Variants in ZYG11B observed in about 807,000 individuals in gnomAD.
The protein encoded by ZYG11B is protein zyg-11 homolog B.
Under a neutral mutation model 82.4 loss-of-function variants are expected in ZYG11B, and 36 were observed. The observed-to-expected ratio is 0.44, with a 90% confidence interval of 0.33 to 0.58. The LOEUF is 0.58. ZYG11B is among the 20% of genes least tolerant of loss of function. The probability of loss-of-function intolerance (pLI) is 0.02; values close to 1 mark genes in which losing one functional copy is unlikely to be tolerated. For missense variants in ZYG11B, 552 were observed against 895.6 expected, an observed-to-expected ratio of 0.62 and a Z score of 4.90; for synonymous variants, 303 against 312.8, an observed-to-expected ratio of 0.97 and a Z score of 0.33.
chr1:52,768,900 C>T (rs1427904210), intron 2 of ZYG11B, among the ~76,000 whole-genome samples: 1 of 152,108 alleles, frequency 6.6e-6, no homozygotes, highest in Non-Finnish European at 1.5e-5. Context: ...GGCCTACTAA[C>T]CTCCTTTCTC....
intron 3 of ZYG11B, among the ~76,000 whole-genome samples, chr1:52,775,213 C>T (rs1218652194): frequency 6.6e-6 from 1 of 152,072 alleles, no homozygotes; most frequent in Non-Finnish European, 1.5e-5. Flanking sequence ...CTGATGACTC[C>T]TAAATTTGTG....
chr1:52,753,721 C>T (rs1443361830), intron 1 of ZYG11B, among the ~76,000 whole-genome samples: 2 of 152,084 alleles, frequency 1.3e-5, no homozygotes, highest in Non-Finnish European at 2.9e-5. Flanking sequence ...CTCAGCCTCC[C>T]AAGTAGCTGG....
chr1:52,736,571 G>A (rs559673610), intron 1 of ZYG11B, among the ~76,000 whole-genome samples: 1 of 152,088 alleles, frequency 6.6e-6, no homozygotes, highest in Admixed American at 6.5e-5. Context: ...TCCTGCCTCA[G>A]CCTCCTGAGT....
At chr1:52,817,825 T>G (rs1328426273) in intron 13 of ZYG11B, among the ~76,000 whole-genome samples, 1 of 14,144 alleles carries the variant, frequency 7.1e-5, no homozygotes, top group Non-Finnish European at 1.3e-4. Flanking sequence ...ATTTTTTTTT[T>G]TTTTTTTTTT....
chr1:52,760,618 C>A (rs887932201), intron 2 of ZYG11B, among the ~76,000 whole-genome samples: 1 of 151,922 alleles, frequency 6.6e-6, no homozygotes, highest in Non-Finnish European at 1.5e-5. Flanking sequence ...AAAAAATTTT[C>A]TTTTTCTTCT....
chr1:52,816,606 T>C lies in ZYG11B; in HGVS notation c.2021T>C (p.Met674Thr). ...GTTCAGCTATGGGCAGTTTGGGCCATGCAACATGTCTGCAGCAAGAATCGT... is the reference window on the plus strand; with the variant it reads ...GTTCAGCTATGGGCAGTTTGGGCCACGCAACATGTCTGCAGCAAGAATCGT... Reference protein sequence around the residue: ...PGVQLWAVWAMQHVCSKNPSR... With the variant: ...PGVQLWAVWATQHVCSKNPSR... The change falls in exon 13 of 14, where the codon ATG (methionine) becomes ACG (threonine). Residue 674 changes from methionine (M) to threonine (T), a missense_variant. Physicochemically the swap from Met to Thr is moderately conservative, Grantham distance 81 (BLOSUM62 -1). Around this residue, in one of 3 missense-constraint regions of ZYG11B, gnomAD observed 127 missense variants for 163.4 expected, o/e 0.78. Coordinates refer to ENST00000294353, the MANE Select transcript of ZYG11B (RefSeq NM_024646.3). 6.2e-7 allele frequency: 1 copy of C among 1,611,586 alleles called. No homozygotes were observed. The highest frequency in any genetic ancestry group is 8.5e-7 in the Non-Finnish European group (1 of 1,179,364).
chr1:52,793,783 G>A (rs906707152), intron 6 of ZYG11B, among the ~76,000 whole-genome samples: 1 of 152,018 alleles, frequency 6.6e-6, no homozygotes, highest in East Asian at 1.9e-4. Flanking sequence ...ATGGCCCCAC[G>A]CTAAAGTCCT....
At chr1:52,783,883 T>TGTACATACACGTGTGTGTGG in intron 4 of ZYG11B, among the ~76,000 whole-genome samples, 1 of 119,206 alleles carries the variant, frequency 8.4e-6, no homozygotes. Context: ...CGTGTGTGTA[T>TGTACATACACGTGTGTGTGG]ATGTACATAC....
chr1:52,777,955 T>A (rs943813577), intron 3 of ZYG11B, among the ~76,000 whole-genome samples: 1 of 152,188 alleles, frequency 6.6e-6, no homozygotes, highest in Admixed American at 6.6e-5. Context: ...TTATATAGCT[T>A]AATGAGTTGA....
intron 1 of ZYG11B, among the ~76,000 whole-genome samples, chr1:52,747,605 G>T (rs1201859870): frequency 6.6e-6 from 1 of 151,778 alleles, no homozygotes; most frequent in Non-Finnish European, 1.5e-5. Flanking sequence ...CTCGTAACAG[G>T]TAAAAATCAG....
At chr1:52,758,407 T>C (rs1165955089) in intron 2 of ZYG11B, among the ~76,000 whole-genome samples, 1 of 152,120 alleles carries the variant, frequency 6.6e-6, no homozygotes, top group Non-Finnish European at 1.5e-5. Context: ...TCTATTATCA[T>C]TCCCGTTAAC....
At chr1:52,788,003 A>G (rs188233757) in intron 5 of ZYG11B, among the ~76,000 whole-genome samples, 12 of 152,286 alleles carry the variant, frequency 7.9e-5, no homozygotes, top group Admixed American at 2.0e-4. Flanking sequence ...AAAATGAATA[A>G]GATTTCCCAT....
chr1:52,770,092 A>ATATATATT (rs1553259758), intron 2 of ZYG11B, among the ~76,000 whole-genome samples: 2 of 94,470 alleles, frequency 2.1e-5, no homozygotes, highest in Non-Finnish European at 3.8e-5. Context: ...ATATATATAT[A>ATATATATT]TTTTTTTTTT....
chr1:52,748,568 G>A (rs1450816001), intron 1 of ZYG11B, among the ~76,000 whole-genome samples: 1 of 152,160 alleles, frequency 6.6e-6, no homozygotes, highest in Non-Finnish European at 1.5e-5. Flanking sequence ...TTTGAATTTT[G>A]AAAGATGAGG....
At chr1:52,762,011 A>T (rs1189100622) in intron 2 of ZYG11B, among the ~76,000 whole-genome samples, 2 of 151,786 alleles carry the variant, frequency 1.3e-5, no homozygotes, top group African/African-American at 4.8e-5. Context: ...TTTAAATTGG[A>T]TTGTTTAGTT....
chr1:52,729,509 C>A (rs141357443), intron 1 of ZYG11B, among the ~76,000 whole-genome samples: 1 of 152,130 alleles, frequency 6.6e-6, no homozygotes, highest in Non-Finnish European at 1.5e-5. Context: ...GCCACTTTCT[C>A]GTGCAATATT....
chr1:52,769,072 G>A (rs890679786), intron 2 of ZYG11B, among the ~76,000 whole-genome samples: 1 of 151,858 alleles, frequency 6.6e-6, no homozygotes, highest in Admixed American at 6.6e-5. Flanking sequence ...TTTTGTTATG[G>A]CTGTTTGTGT....
intron 9 of ZYG11B, 46 bp from the exon 10 acceptor site, chr1:52,802,046 A>G (rs769180304): frequency 1.9e-6 from 3 of 1,581,362 alleles, no homozygotes; most frequent in Non-Finnish European, 2.6e-6. Context: ...CATTTATTTT[A>G]TATTTGGTTC....
chr1:52,757,798 T>C (rs1321039061), intron 2 of ZYG11B, among the ~76,000 whole-genome samples: 2 of 152,198 alleles, frequency 1.3e-5, no homozygotes, highest in Admixed American at 6.5e-5. Flanking sequence ...ACAGCCAATT[T>C]AGTACTTTGG....
Sources: gnomAD v4.1 joint callset for allele counts (sites outside exome capture counted in the v4.1 genomes callset) on GRCh38, gnomAD v4.1.1 for gene constraint, gnomAD v4.1.1 regional missense constraint, MANE v1.5 for transcripts, NCBI Gene and HGNC (gene_info 2026-07-23, HGNC 2026-07-21) for gene names.